RGS9: variants seen among roughly 807,000 people sequenced by gnomAD.
RGS9 encodes regulator of G protein signaling 9, also known as regulator of G-protein signalling 9.
RGS9 carries 78 observed loss-of-function variants against 102.0 expected under a neutral mutation model. The observed-to-expected ratio is 0.76, with a 90% CI of 0.64 to 0.92. The LOEUF is 0.92. Ranked by LOEUF, RGS9 falls within the 40% of genes least tolerant of loss-of-function variation. The pLI is 0.00. For synonymous variants in RGS9, 353 were observed against 318.6 expected (o/e 1.11, Z -1.15); for missense variants, 833 against 866.1 (o/e 0.96, Z 0.48).
chr17:65,212,619 G>A (rs191552805), intron 17 of RGS9, among the ~76,000 whole-genome samples: 2 of 152,332 alleles, frequency 1.3e-5, no homozygotes, highest in African/African-American at 2.4e-5. Context: ...GTGGGCAGGG[G>A]CCAGATCATT....
In RGS9 at chr17:65,158,298, G is replaced by T. The variant is rs776841611; in HGVS notation, c.158G>T (p.Ser53Ile). Residue 53 changes from serine to isoleucine, a missense_variant, in exon 3 of 19, where the codon AGT becomes ATT. By Grantham distance (142) the Ser-to-Ile change is moderately radical. Transcript: ENST00000262406. ...VTSVPHAMTG[S>I]DVLQWIVQRL... ...GCAAATGTCTCTTGTTTTTCAGGAAGTGATGTTCTGCAATGGATCGTCCAG... is the reference window on the plus strand; with the variant it reads ...GCAAATGTCTCTTGTTTTTCAGGAATTGATGTTCTGCAATGGATCGTCCAG... 1 of 1,614,194 alleles carries T rather than the reference G, an allele frequency of 6.2e-7. No homozygotes were observed. The highest frequency in any genetic ancestry group is 1.1e-5 in the South Asian group (1 of 91,088).
At position 65,137,396 on chromosome 17, in the gene RGS9, G is replaced by C. The variant is rs977607787; in HGVS notation, c.-145G>C. 1.0e-5 allele frequency: 8 copies of C among 770,756 alleles called. No homozygotes were observed. The highest frequency in any genetic ancestry group is 5.9e-5 in the Admixed American group (3 of 50,586). 47.7% of individuals were successfully genotyped at this position (770,756 alleles called of 1,614,324 possible). ...GTCAGCGGCGCCTAGTGAGAGTCAG[G>C]GGGGCCCGGCCCGCGCCCTCCCCGC... On this transcript the variant is annotated 5_prime_UTR_variant, in exon 1 of 19. Transcript: ENST00000262406.
At chr17:65,214,715 T>G (rs911554833) in intron 17 of RGS9, among the ~76,000 whole-genome samples, 3 of 152,194 alleles carry the variant, frequency 2.0e-5, no homozygotes, top group Non-Finnish European at 4.4e-5. Flanking sequence ...AGTCCCACCT[T>G]GCCCCTCAGC....
rs992702632 is a variant in RGS9 at position 65,137,439 on chromosome 17, G to C, written c.-102G>C. On this transcript the variant is annotated 5_prime_UTR_variant, in exon 1 of 19. Coordinates refer to ENST00000262406, the MANE Select transcript of RGS9 (RefSeq NM_003835.4). ...CTCCCCGCCCAGCCGCCTCCCCGTC[G>C]ACGCCCAGGGCTGGGGCGAGCCAGG... 1 of 1,224,344 alleles carries C rather than the reference G, an allele frequency of 8.2e-7. No individual in the cohort carries two copies. Among genetic ancestry groups the C allele is most frequent in the South Asian group, 1.2e-5 (1 of 83,244 alleles). The allele number at this position is 1,224,344 out of a possible 1,614,324, so 75.8% of individuals were successfully genotyped here.
chr17:65,158,179 C>G, intron 2 of RGS9, 116 bp from the exon 3 acceptor site: 2 of 952,906 alleles, frequency 2.1e-6, no homozygotes, highest in Non-Finnish European at 3.5e-6. Flanking sequence ...AGGTTCTGAG[C>G]GAAGAGGAAT....
Position 65,227,467 on chromosome 17 carries a change from G to A in RGS9, c.*60G>A. ...AGGAAGATGCTCTGACAGATGCCAT[G>A]GTATGGGCCACAGGACACACTTGCT... is the stretch of plus-strand genomic sequence containing the variant. On this transcript the variant is annotated 3_prime_UTR_variant, in exon 19 of 19. Transcript: ENST00000262406. 2 of 1,570,856 alleles carry A rather than the reference G, an allele frequency of 1.3e-6. No individual in the cohort carries two copies. The highest frequency in any genetic ancestry group is 1.8e-4 in the Middle Eastern group (1 of 5,466).
intron 8 of RGS9, among the ~76,000 whole-genome samples, chr17:65,171,225 C>A (rs1911409716): frequency 6.6e-6 from 1 of 152,072 alleles, no homozygotes; most frequent in African/African-American, 2.4e-5. Flanking sequence ...TGACTTTGTC[C>A]CAGGGAAGGG....
At chr17:65,164,055 A>T (rs2144003517) in intron 7 of RGS9, among the ~76,000 whole-genome samples, 1 of 152,218 alleles carries the variant, frequency 6.6e-6, no homozygotes, top group Middle Eastern at 3.4e-3. Context: ...CTCTGCCTTA[A>T]CAAGAGCTGG....
chr17:65,170,757 A>T (rs1658959128), intron 8 of RGS9, among the ~76,000 whole-genome samples: 1 of 152,180 alleles, frequency 6.6e-6, no homozygotes, highest in African/African-American at 2.4e-5. Context: ...TAGAACTTCC[A>T]GGACTAAAAA....
intron 9 of RGS9, among the ~76,000 whole-genome samples, chr17:65,183,873 C>T (rs573662695): frequency 1.3e-5 from 2 of 152,342 alleles, no homozygotes; most frequent in East Asian, 1.9e-4. Flanking sequence ...ACCCTCCATC[C>T]GGGGTTTGCC....
rs908089 is a variant in RGS9, at chr17:65,183,824, C to A, written c.655-5462C>A. ...GCTTATTTCTCCCCTGCACTCCTGC[C>A]GGTGGCCTGACCCCTTCTGCCCTGT... On this transcript the variant is annotated intron_variant, in intron 9 of 18. Coordinates refer to ENST00000262406, the MANE Select transcript of RGS9 (RefSeq NM_003835.4). 2.0e-5 allele frequency among the ~76,000 whole-genome samples: 3 copies of A among 152,172 alleles called. 1 individual carries two copies. In the East Asian group the frequency reaches 5.8e-4, roughly 29 times the overall value.
chr17:65,208,078 C>A, intron 16 of RGS9, 71 bp downstream of exon 16: 1 of 1,026,774 alleles, frequency 9.7e-7, no homozygotes, highest in South Asian at 1.3e-5. Context: ...TCTCTTTCAG[C>A]CAAATGGCTA....
chr17:65,191,141 T>C (rs528508912), intron 11 of RGS9, among the ~76,000 whole-genome samples: 1 of 152,330 alleles, frequency 6.6e-6, no homozygotes, highest in Non-Finnish European at 1.5e-5. Context: ...GGAGGGCACC[T>C]GTGTACTCAG....
At chr17:65,176,538 T>C (rs1431201233) in intron 8 of RGS9, among the ~76,000 whole-genome samples, 1 of 152,202 alleles carries the variant, frequency 6.6e-6, no homozygotes, top group Non-Finnish European at 1.5e-5. Context: ...CCCAAAGCAC[T>C]GCTCTGTCAC....
In RGS9 at chr17:65,173,048, G is replaced by A. The variant is rs767239889; in HGVS notation, c.583-4684G>A. ...AGCGATTCTCCTGCCTCAGCCTGCC[G>A]AGTAGCTGGAATTACAGGTGTGCGC... On this transcript the variant is annotated intron_variant, in intron 8 of 18. Transcript: ENST00000262406. The surrounding 1 kb of genome is among the most constrained non-coding windows in gnomAD (Gnocchi z 4.8). Among the ~76,000 whole-genome samples, 2 of 151,708 alleles carry A rather than the reference G, an allele frequency of 1.3e-5. No homozygotes were observed. The highest frequency in any genetic ancestry group is 2.9e-5 in the Non-Finnish European group (2 of 67,952).
At chr17:65,145,349 C>T (rs1182333707) in intron 1 of RGS9, among the ~76,000 whole-genome samples, 1 of 150,698 alleles carries the variant, frequency 6.6e-6, no homozygotes, top group Non-Finnish European at 1.5e-5. Context: ...CCTTGGTTTC[C>T]CAAAGTGCTG....
chr17:65,175,540 C>A (rs2144031549), intron 8 of RGS9, among the ~76,000 whole-genome samples: 1 of 152,232 alleles, frequency 6.6e-6, no homozygotes, highest in South Asian at 2.1e-4. Context: ...CTGGGAGTGC[C>A]TCAGTAATGC....
chr17:65,191,394 T>G (rs1348302243), intron 11 of RGS9, among the ~76,000 whole-genome samples: 3 of 151,982 alleles, frequency 2.0e-5, no homozygotes, highest in East Asian at 1.9e-4. Flanking sequence ...TGTTGTTGTT[T>G]TTTACCTCCA....
At chr17:65,212,588 T>G (rs2869579) in intron 17 of RGS9, among the ~76,000 whole-genome samples, 28,579 of 151,996 alleles carry the variant, frequency 0.19, 4,667 homozygotes, top group African/African-American at 0.44. Context: ...AGGGGGAAAC[T>G]GTGCAAGATG....
Sources: allele counts gnomAD v4.1 joint callset (sites outside exome capture counted in the v4.1 genomes callset), GRCh38; gene constraint gnomAD v4.1.1; non-coding constraint Gnocchi (gnomAD v3.1); transcripts MANE v1.5; gene names NCBI Gene and HGNC (gene_info 2026-07-23, HGNC 2026-07-21).